The following PRR16 variants were observed in gnomAD, a reference collection of about 807,000 sequenced individuals.
PRR16 encodes the protein protein Largen.
PRR16 carries 6 observed loss-of-function variants against 18.2 expected under a neutral mutation model. The ratio of observed to expected loss-of-function variants is 0.33; its 90% CI spans 0.18 to 0.65. PRR16 has a LOEUF of 0.65. PRR16 is among the 30% of genes least tolerant of loss of function. PRR16 has a pLI of 0.74. For missense variants in PRR16, 412 were observed against 376.6 expected (o/e 1.09, Z -0.78); for synonymous variants, 151 against 147.8 (o/e 1.02, Z -0.16).
At chr5:120,578,629 TC>T (rs1181748214) in intron 1 of PRR16, among the ~76,000 whole-genome samples, 1 of 152,262 alleles carries the variant, frequency 6.6e-6, no homozygotes, top group African/African-American at 2.4e-5. Flanking sequence ...TACCACATTT[TC>T]TTTATCCAGT....
intron 1 of PRR16, among the ~76,000 whole-genome samples, chr5:120,524,022 T>G (rs1751272860): frequency 6.6e-6 from 1 of 152,094 alleles, no homozygotes; most frequent in African/African-American, 2.4e-5. Context: ...GGAGCCAAAC[T>G]AGAAAGAGAA....
chr5:120,615,337 C>G (rs1167051615), intron 1 of PRR16, among the ~76,000 whole-genome samples: 1 of 148,714 alleles, frequency 6.7e-6, no homozygotes, highest in Admixed American at 6.7e-5. Flanking sequence ...ATATTCTCTT[C>G]TATAGGCCCT....
intron 1 of PRR16, among the ~76,000 whole-genome samples, chr5:120,541,003 G>A (rs966925481): frequency 7.2e-5 from 11 of 152,072 alleles, no homozygotes; most frequent in African/African-American, 2.7e-4. Context: ...GCATTTAGAC[G>A]TACACATACA....
At chr5:120,727,731 CAT>C in the PRR16 span, among the ~76,000 whole-genome samples, 29 of 152,088 alleles carry the variant, frequency 1.9e-4, no homozygotes, top group East Asian at 5.6e-3. Context: ...AAATATCTAA[CAT>C]ATTTTGATAT....
At chr5:120,719,614 C>T in the PRR16 span, among the ~76,000 whole-genome samples, 1 of 151,910 alleles carries the variant, frequency 6.6e-6, no homozygotes, top group Non-Finnish European at 1.5e-5. Flanking sequence ...TGCATAGCAA[C>T]CAAAGAAGCC....
At chr5:120,776,836 GCT>G in the PRR16 span, among the ~76,000 whole-genome samples, 3 of 151,792 alleles carry the variant, frequency 2.0e-5, no homozygotes, top group African/African-American at 4.8e-5. Flanking sequence ...TAAAAGTATT[GCT>G]CTGTTTTTAT....
At chr5:120,743,979 A>C in the PRR16 span, among the ~76,000 whole-genome samples, 1 of 152,040 alleles carries the variant, frequency 6.6e-6, no homozygotes, top group Non-Finnish European at 1.5e-5. Context: ...TTGTCTTCTT[A>C]TACTTCAATT....
At chr5:120,758,352 C>G in the PRR16 span, among the ~76,000 whole-genome samples, 1 of 147,518 alleles carries the variant, frequency 6.8e-6, no homozygotes, top group Non-Finnish European at 1.5e-5. Flanking sequence ...TATGCATCAG[C>G]TCTTGAATTT....
chr5:120,663,956 T>A (rs550180196), intron 1 of PRR16, among the ~76,000 whole-genome samples: 2 of 151,640 alleles, frequency 1.3e-5, no homozygotes, highest in Non-Finnish European at 2.9e-5. Context: ...ACTTAAAAAA[T>A]CAACTATATT....
At chr5:120,660,553 A>C (rs189973900) in intron 1 of PRR16, among the ~76,000 whole-genome samples, 20 of 152,208 alleles carry the variant, frequency 1.3e-4, no homozygotes, top group African/African-American at 4.8e-4. Flanking sequence ...ACAAGGTACT[A>C]ATGATCCAGA....
chr5:120,732,574 C>G, the PRR16 span, among the ~76,000 whole-genome samples: 6 of 152,232 alleles, frequency 3.9e-5, no homozygotes, highest in South Asian at 1.2e-3. Flanking sequence ...TTTTAAAACT[C>G]ATTCCAAAAT....
the PRR16 span, among the ~76,000 whole-genome samples, chr5:120,775,903 C>G: frequency 6.7e-6 from 1 of 149,522 alleles, no homozygotes; most frequent in Non-Finnish European, 1.5e-5. Context: ...CCACCTTGGT[C>G]TCCCAAAGTG....
At chr5:120,644,140 CT>C (rs1478557019) in intron 1 of PRR16, among the ~76,000 whole-genome samples, 1 of 152,076 alleles carries the variant, frequency 6.6e-6, no homozygotes, top group Non-Finnish European at 1.5e-5. Flanking sequence ...CTAATTGCTT[CT>C]CTAATACCTA....
chr5:120,724,926 A>G, the PRR16 span, among the ~76,000 whole-genome samples: 1 of 151,952 alleles, frequency 6.6e-6, no homozygotes, highest in Non-Finnish European at 1.5e-5. Flanking sequence ...AATTAAAAAA[A>G]ATATATATAG....
At chr5:120,746,967 T>C in the PRR16 span, among the ~76,000 whole-genome samples, 3 of 152,206 alleles carry the variant, frequency 2.0e-5, no homozygotes, top group African/African-American at 7.2e-5. Flanking sequence ...AAGCAAGCTT[T>C]CGTTTCAATT....
intron 1 of PRR16, among the ~76,000 whole-genome samples, chr5:120,544,763 A>T (rs1413214593): frequency 6.6e-6 from 1 of 151,988 alleles, no homozygotes; most frequent in East Asian, 1.9e-4. Context: ...TGGTTTTGAG[A>T]CTAGGAGGCC....
rs911667598 is a variant in PRR16, at chr5:120,590,843, A to T, written c.160-95111A>T. On this transcript the variant is annotated intron_variant, in intron 1 of 1. Coordinates refer to ENST00000407149, the MANE Select transcript of PRR16 (RefSeq NM_001300783.2). Reference sequence around the variant, plus strand: ...TGTTATTATAAATATGAATAAAATGAATGTGTATATCAATTACTCATAATT... The same window carrying T: ...TGTTATTATAAATATGAATAAAATGTATGTGTATATCAATTACTCATAATT... Among the ~76,000 whole-genome samples the T allele has an allele frequency of 7.2e-4, 109 of 152,314 alleles. 1 individual carries two copies. Among genetic ancestry groups the T allele is most frequent in the African/African-American group, 2.5e-3 (104 of 41,582 alleles).
intron 1 of PRR16, among the ~76,000 whole-genome samples, chr5:120,628,582 G>C (rs928274218): frequency 1.3e-5 from 2 of 151,990 alleles, no homozygotes; most frequent in South Asian, 4.1e-4. Context: ...ATTTCCCCAG[G>C]ATAAAGCAGA....
chr5:120,666,006 T>C (rs1756362302), intron 1 of PRR16, among the ~76,000 whole-genome samples: 1 of 152,120 alleles, frequency 6.6e-6, no homozygotes, highest in South Asian at 2.1e-4. Context: ...AAGTCATTGG[T>C]AGCTTGATGG....
Sources: gnomAD v4.1 joint callset for allele counts (sites outside exome capture counted in the v4.1 genomes callset) on GRCh38, gnomAD v4.1.1 for gene constraint, MANE v1.5 for transcripts, NCBI Gene and HGNC (gene_info 2026-07-23, HGNC 2026-07-21) for gene names.